Variants in SASH1 observed in about 807,000 individuals in gnomAD.
SASH1 encodes SAM and SH3 domain containing 1.
SASH1 carries 44 observed loss-of-function variants against 125.2 expected under a neutral mutation model. That is an observed-to-expected ratio of 0.35 (90% CI 0.28 to 0.45). The LOEUF is 0.45. Ranked by LOEUF, SASH1 falls within the 20% of genes least tolerant of loss-of-function variation. SASH1 has a pLI of 1.00. For missense variants in SASH1, 1,426 were observed against 1,614.5 expected (o/e 0.88, Z 2.00); for synonymous variants, 639 against 649.1 (o/e 0.98, Z 0.24).
Position 148,549,568 on chromosome 6 carries a change from G to T in SASH1, c.*1010G>T, listed in dbSNP as rs1484166432. ...AGTCCTCAGTTAACGGATCATGTTT[G>T]CAAAAGGTCACTGTGAGGCTGCATA... On this transcript the variant is annotated 3_prime_UTR_variant, in exon 20 of 20. Coordinates refer to ENST00000367467, the MANE Select transcript of SASH1 (RefSeq NM_015278.5). 6 of 398,796 alleles carry T rather than the reference G, an allele frequency of 1.5e-5. No individual in the cohort carries two copies. The highest frequency in any genetic ancestry group is 2.2e-5 in the Non-Finnish European group (5 of 225,998). 24.7% of individuals were successfully genotyped at this position (398,796 alleles called of 1,614,324 possible).
intron 5 of SASH1, among the ~76,000 whole-genome samples, chr6:148,471,106 T>G (rs561736805): frequency 2.6e-5 from 4 of 151,920 alleles, no homozygotes; most frequent in Non-Finnish European, 5.9e-5. Flanking sequence ...GAGGCCAAAT[T>G]AGGCATACTA....
intron 2 of SASH1, among the ~76,000 whole-genome samples, chr6:148,429,831 G>C (rs1775991458): frequency 6.6e-6 from 1 of 152,164 alleles, no homozygotes; most frequent in South Asian, 2.1e-4. Flanking sequence ...GTGCAAGGCT[G>C]TAGAAAGTAA....
intron 9 of SASH1, among the ~76,000 whole-genome samples, chr6:148,518,186 G>A (rs971149101): frequency 6.6e-6 from 1 of 152,146 alleles, no homozygotes; most frequent in Non-Finnish European, 1.5e-5. Flanking sequence ...CCCTGCATCT[G>A]GGCTGGTGAA....
chr6:148,302,972 GTTTATTTA>G (rs575347150), intron 1 of SASH1, among the ~76,000 whole-genome samples: 1 of 151,564 alleles, frequency 6.6e-6, no homozygotes, highest in Non-Finnish European at 1.5e-5. Flanking sequence ...AAATTAGTTT[GTTTATTTA>G]TTTATTTATT....
chr6:148,194,619 T>C, the SASH1 span, among the ~76,000 whole-genome samples: 1 of 152,188 alleles, frequency 6.6e-6, no homozygotes, highest in East Asian at 1.9e-4. Context: ...CATTAAAGAA[T>C]GTTCAGGTCC....
intron 2 of SASH1, among the ~76,000 whole-genome samples, chr6:148,402,618 ATTT>A (rs60247173): frequency 7.2e-6 from 1 of 138,178 alleles, no homozygotes; most frequent in Non-Finnish European, 1.6e-5. Context: ...CAAAAATGAC[ATTT>A]TTTTTTTTTT....
chr6:148,381,413 T>G (rs538643228), intron 1 of SASH1, among the ~76,000 whole-genome samples: 2 of 152,116 alleles, frequency 1.3e-5, no homozygotes, highest in African/African-American at 4.8e-5. Flanking sequence ...CTACCACAGA[T>G]GACATTTCCC....
intron 8 of SASH1, among the ~76,000 whole-genome samples, chr6:148,498,643 C>T (rs1779422589): frequency 6.6e-6 from 1 of 152,174 alleles, no homozygotes; most frequent in Admixed American, 6.5e-5. Context: ...CTAATACATA[C>T]ATACCACAGA....
intron 2 of SASH1, among the ~76,000 whole-genome samples, chr6:148,411,708 T>C (rs568049407): frequency 1.3e-5 from 2 of 152,298 alleles, no homozygotes; most frequent in African/African-American, 4.8e-5. Flanking sequence ...TACTTCCAAA[T>C]AATTTTTGTA....
intron 1 of SASH1, among the ~76,000 whole-genome samples, chr6:148,348,426 T>C (rs142375252): frequency 3.3e-4 from 50 of 152,326 alleles, no homozygotes; most frequent in African/African-American, 9.1e-4. Context: ...ACCTTGTCTT[T>C]CTTTTGCTCA....
chr6:148,520,943 A>G (rs1297799734), intron 10 of SASH1, among the ~76,000 whole-genome samples: 2 of 152,210 alleles, frequency 1.3e-5, no homozygotes, highest in African/African-American at 4.8e-5. Flanking sequence ...TTTTTGTTTT[A>G]CTTAAGTCTA....
At chr6:148,487,122 T>C (rs1334197841) in intron 7 of SASH1, among the ~76,000 whole-genome samples, 2,212 of 126,326 alleles carry the variant, frequency 0.018, 97 homozygotes, top group African/African-American at 0.06. Flanking sequence ...CATATATATA[T>C]ATATATATGT....
rs1037660065 is a variant in SASH1 at position 148,409,020 on chromosome 6, C to T, written c.285+18758C>T. Among the ~76,000 whole-genome samples the T allele has an allele frequency of 7.9e-5, 12 of 152,332 alleles. No individual in the cohort carries two copies. In the South Asian group the frequency reaches 1.4e-3, roughly 18 times the overall value. On this transcript the variant is annotated intron_variant, in intron 2 of 19. Coordinates refer to ENST00000367467, the MANE Select transcript of SASH1 (RefSeq NM_015278.5). ...CTGCTATGCTTGTCACTCCACCCTG[C>T]TCTAATGCCGCTTTCTCTGCAGGCT... is the stretch of plus-strand genomic sequence containing the variant.
the SASH1 span, among the ~76,000 whole-genome samples, chr6:148,218,314 A>G: frequency 6.6e-6 from 1 of 152,362 alleles, no homozygotes; most frequent in East Asian, 1.9e-4. Context: ...TAGTAAACAC[A>G]TCGCCACAGA....
intron 2 of SASH1, among the ~76,000 whole-genome samples, chr6:148,419,168 T>C (rs1015194430): frequency 6.6e-6 from 1 of 152,208 alleles, no homozygotes; most frequent in Non-Finnish European, 1.5e-5. Context: ...TGTCTGGTGA[T>C]TAAAATTTGG....
intron 4 of SASH1, among the ~76,000 whole-genome samples, chr6:148,454,122 G>A (rs1686416463): frequency 1.3e-5 from 2 of 152,088 alleles, no homozygotes; most frequent in South Asian, 4.1e-4. Context: ...CTCCAAGCGA[G>A]GCTTCAGCTT....
intron 1 of SASH1, among the ~76,000 whole-genome samples, chr6:148,304,491 A>G (rs561849136): frequency 1.6e-4 from 24 of 150,860 alleles, no homozygotes; most frequent in African/African-American, 5.8e-4. Flanking sequence ...GGCGCCTATA[A>G]TCCTAGCTAC....
intron 10 of SASH1, among the ~76,000 whole-genome samples, chr6:148,523,298 T>C (rs1414972766): frequency 6.6e-6 from 1 of 152,228 alleles, no homozygotes; most frequent in East Asian, 1.9e-4. Context: ...ATAAAATCAC[T>C]GCTTTTGCAA....
intron 16 of SASH1, among the ~76,000 whole-genome samples, chr6:148,537,705 A>T (rs1232936400): frequency 6.6e-6 from 1 of 151,772 alleles, no homozygotes; most frequent in Non-Finnish European, 1.5e-5. Context: ...ACTGCTCCCC[A>T]GGCAATGCTA....
Sources: allele counts gnomAD v4.1 joint callset (sites outside exome capture counted in the v4.1 genomes callset), GRCh38; gene constraint gnomAD v4.1.1; transcripts MANE v1.5; gene names NCBI Gene and HGNC (gene_info 2026-07-23, HGNC 2026-07-21).